The following FAM3D variants were observed in gnomAD, a reference collection of about 807,000 sequenced individuals.
FAM3D encodes FAM3 metabolism regulating signaling molecule D, also known as protein FAM3D.
Under a neutral mutation model 29.8 loss-of-function variants are expected in FAM3D, and 26 were observed. That is an observed-to-expected ratio of 0.87 (90% CI 0.64 to 1.21). FAM3D has a LOEUF of 1.21. FAM3D is among the 50% of genes most tolerant of loss of function. The probability of loss-of-function intolerance (pLI) is 0.00; values close to 1 mark genes in which losing one functional copy is unlikely to be tolerated. For synonymous variants in FAM3D, 115 were observed against 102.3 expected, an observed-to-expected ratio of 1.12 and a Z score of -0.75; for missense variants, 253 against 290.9, an observed-to-expected ratio of 0.87 and a Z score of 0.95.
intron 9 of FAM3D, 124 bp downstream of exon 9, chr3:58,636,170 G>A (rs1471585864): frequency 2.1e-6 from 3 of 1,433,344 alleles, no homozygotes; most frequent in South Asian, 2.9e-5. Flanking sequence ...TGACAGCCAG[G>A]GGCCTCTCCC....
intron 8 of FAM3D, 125 bp from the exon 9 acceptor site, chr3:58,636,545 A>C (rs1180447880): frequency 7.2e-7 from 1 of 1,392,204 alleles, no homozygotes; most frequent in African/African-American, 1.4e-5. Flanking sequence ...GGGGGTGTCC[A>C]GAGAACGTGG....
At chr3:58,638,696 A>C (rs1229769527) in intron 7 of FAM3D, among the ~76,000 whole-genome samples, 1 of 152,236 alleles carries the variant, frequency 6.6e-6, no homozygotes, top group Non-Finnish European at 1.5e-5. Flanking sequence ...TCATAGGCCC[A>C]CAAAGCTGGC....
At chr3:58,652,978 GTT>G (rs59073252) in intron 3 of FAM3D, among the ~76,000 whole-genome samples, 1 of 138,786 alleles carries the variant, frequency 7.2e-6, no homozygotes, top group Non-Finnish European at 1.6e-5. Context: ...CCATCCATCC[GTT>G]TTTTTTTTTT....
intron 6 of FAM3D, among the ~76,000 whole-genome samples, chr3:58,642,256 G>C (rs2066354936): frequency 6.6e-6 from 1 of 152,190 alleles, no homozygotes; most frequent in African/African-American, 2.4e-5. Flanking sequence ...CATCTGTCCA[G>C]GAACAGCCCC....
chr3:58,657,040 T>C (rs1487313799), intron 1 of FAM3D, among the ~76,000 whole-genome samples: 1 of 152,176 alleles, frequency 6.6e-6, no homozygotes, highest in East Asian at 1.9e-4. Flanking sequence ...CACCTGGCTC[T>C]ACCCACAGAA....
chr3:58,644,140 G>A (rs1035843148), intron 5 of FAM3D, among the ~76,000 whole-genome samples: 2 of 152,142 alleles, frequency 1.3e-5, no homozygotes, highest in Non-Finnish European at 2.9e-5. Flanking sequence ...TGTGCGGTGG[G>A]AGAATTGTCT....
rs918801444 is a variant in FAM3D at position 58,650,972 on chromosome 3, A to C, written c.122-1634T>G. Among the ~76,000 whole-genome samples the C allele has an allele frequency of 7.4e-5, 11 of 149,578 alleles. 1 individual carries two copies. The highest frequency in any genetic ancestry group is 4.2e-4 in the South Asian group (2 of 4,744). ...GACCTCGTGATCTGCCCGCCTCGGC[A>C]TCCCAAAGTGCTGGGATTACAGGCG... On this transcript the variant is annotated intron_variant, in intron 3 of 9. Coordinates refer to ENST00000358781, the MANE Select transcript of FAM3D (RefSeq NM_138805.3).
intron 5 of FAM3D, 75 bp from the exon 6 acceptor site, chr3:58,643,795 A>G: frequency 1.4e-6 from 2 of 1,383,958 alleles, no homozygotes; most frequent in Non-Finnish European, 2.1e-6. Context: ...CAGCTGGGGA[A>G]CTCCGTGAGG....
intron 2 of FAM3D, among the ~76,000 whole-genome samples, chr3:58,654,822 G>A (rs967251441): frequency 2.6e-5 from 4 of 152,290 alleles, no homozygotes; most frequent in Middle Eastern, 3.4e-3. Context: ...GGTCTTCAAT[G>A]GCACAGCACG....
intron 4 of FAM3D, among the ~76,000 whole-genome samples, chr3:58,646,422 G>C (rs1004871838): frequency 1.3e-5 from 2 of 152,158 alleles, no homozygotes; most frequent in Admixed American, 6.5e-5. Context: ...GTCCATGCCT[G>C]GGGGGAGATG....
chr3:58,637,547 C>T (rs2066210311), intron 7 of FAM3D, among the ~76,000 whole-genome samples: 1 of 152,148 alleles, frequency 6.6e-6, no homozygotes, highest in Admixed American at 6.5e-5. Flanking sequence ...TGTGCCTACC[C>T]CTCTGGGGAC....
rs1176986689 is a variant in FAM3D, at chr3:58,635,622, CG to C, written c.585+671del. On this transcript the variant is annotated intron_variant, in intron 9 of 9. Transcript: ENST00000358781. The surrounding 1 kb of genome is among the most constrained non-coding windows in gnomAD (Gnocchi z 5.2). ...TGCTGCAGCACCCCCACAGGACATTCGGGAACCACACCCGGCCGCCCCCGCC... is the reference window on the plus strand; with the variant it reads ...TGCTGCAGCACCCCCACAGGACATTCGGAACCACACCCGGCCGCCCCCGCC... 2.0e-5 allele frequency among the ~76,000 whole-genome samples: 3 copies of C among 152,222 alleles called. No individual in the cohort carries two copies. The highest frequency in any genetic ancestry group is 7.2e-5 in the African/African-American group (3 of 41,458).
intron 5 of FAM3D, among the ~76,000 whole-genome samples, chr3:58,644,408 G>A (rs1264484895): frequency 1.3e-5 from 2 of 152,158 alleles, no homozygotes; most frequent in African/African-American, 4.8e-5. Context: ...TTATAAGGAG[G>A]CTGCACAAGC....
Position 58,649,311 on chromosome 3 carries a change from T to A in FAM3D, c.145+4A>T, listed in dbSNP as rs1280407688. 1 of 1,613,340 alleles carries A rather than the reference T, an allele frequency of 6.2e-7. No individual in the cohort carries two copies. Among genetic ancestry groups the A allele is most frequent in the South Asian group, 1.1e-5 (1 of 91,022 alleles). On this transcript the variant is annotated splice_donor_region_variant and intron_variant, in intron 4 of 9. Coordinates refer to ENST00000358781, the MANE Select transcript of FAM3D (RefSeq NM_138805.3). ...GGGAGGTGTGGGGCTGCACAGATACTCACGGATCTCCTTGGTGGGCGAGGC... is the reference window on the plus strand; with the variant it reads ...GGGAGGTGTGGGGCTGCACAGATACACACGGATCTCCTTGGTGGGCGAGGC...
In FAM3D at chr3:58,636,340, AC is replaced by A; in HGVS notation, c.538del (p.Val180SerfsTer3). The part of the protein sequence containing the change: ...AKQLGFRDSW[V>X]FIGAKDLRGK... ...CCTGAGGTCTTTGGCTCCTATGAAGACCCAGCTGTCCCGGAAGCCCAGTTGT... is the reference window on the plus strand; with the variant it reads ...CCTGAGGTCTTTGGCTCCTATGAAGACCAGCTGTCCCGGAAGCCCAGTTGT... On this transcript the variant is annotated frameshift_variant, in exon 9 of 10. Transcript: ENST00000358781. LOFTEE classifies it low-confidence loss of function (END_TRUNC). 1 of 1,614,170 alleles carries A rather than the reference AC, an allele frequency of 6.2e-7. No homozygotes were observed.
chr3:58,636,369 T>C lies in FAM3D; in HGVS notation c.510A>G (p.Ala170=), dbSNP rs1483651405. ...KLFSDLGSSY[A]KQLGFRDSWV... is the part of the protein sequence containing the mutation. ...AGCTGTCCCGGAAGCCCAGTTGTTT[T>C]GCGTAGGAACTCCCCAAGTCAGAGA... Residue 170 remains alanine, a synonymous_variant, in exon 9 of 10, where the codon GCA becomes GCG. Coordinates refer to ENST00000358781, the MANE Select transcript of FAM3D (RefSeq NM_138805.3). 3 of 1,614,110 alleles carry C rather than the reference T, an allele frequency of 1.9e-6. No individual in the cohort carries two copies. In the South Asian group the frequency reaches 3.3e-5, roughly 18 times the overall value.
At chr3:58,659,275 T>G (rs1575492975) in intron 1 of FAM3D, among the ~76,000 whole-genome samples, 1 of 152,196 alleles carries the variant, frequency 6.6e-6, no homozygotes, top group South Asian at 2.1e-4. Flanking sequence ...TACGGATGTT[T>G]GCTCTTTCTG....
intron 6 of FAM3D, among the ~76,000 whole-genome samples, chr3:58,641,543 C>T (rs115554971): frequency 2.6e-5 from 4 of 152,028 alleles, no homozygotes; most frequent in Non-Finnish European, 4.4e-5. Flanking sequence ...TTTGTAGAGA[C>T]GGGGCGGATT....
intron 2 of FAM3D, among the ~76,000 whole-genome samples, chr3:58,655,212 C>T (rs2066758114): frequency 1.3e-5 from 2 of 152,114 alleles, no homozygotes; most frequent in South Asian, 2.1e-4. Context: ...GACTAGAAGG[C>T]CTTTGCCTCC....
Sources: gnomAD v4.1 joint callset for allele counts (sites outside exome capture counted in the v4.1 genomes callset) on GRCh38, gnomAD v4.1.1 for gene constraint, Gnocchi (gnomAD v3.1) non-coding constraint, MANE v1.5 for transcripts, NCBI Gene and HGNC (gene_info 2026-07-23, HGNC 2026-07-21) for gene names.